Variants in PCDHA7 observed in about 807,000 individuals in gnomAD.
The protein encoded by PCDHA7 is protocadherin alpha 7, also known as protocadherin alpha-7.
PCDHA7 carries 37 observed loss-of-function variants against 57.2 expected under a neutral mutation model. The observed-to-expected ratio is 0.65, with a 90% CI of 0.50 to 0.85. The LOEUF (loss-of-function observed/expected upper bound fraction) is 0.85. Among genes scored for constraint, PCDHA7 ranks in the 40% least tolerant of loss-of-function variants. PCDHA7 has a pLI of 0.00. For synonymous variants in PCDHA7, 553 were observed against 558.8 expected, an observed-to-expected ratio of 0.99 and a Z score of 0.15; for missense variants, 1,188 against 1,241.8, an observed-to-expected ratio of 0.96 and a Z score of 0.65.
Position 140,836,642 on chromosome 5 carries a change from G to T in PCDHA7, c.2259G>T (p.Gln753His). 6.2e-7 allele frequency: 1 copy of T among 1,613,486 alleles called. No homozygotes were observed. The highest frequency in any genetic ancestry group is 8.5e-7 in the Non-Finnish European group (1 of 1,179,658). Reference protein sequence around the residue: ...SAVGSWSFSQQRRQRVCSGEG... With the variant: ...SAVGSWSFSQHRRQRVCSGEG... The stretch of plus-strand genomic sequence containing the variant: ...TGGGGAGCTGGTCATTCTCCCAGCA[G>T]AGGCGGCAGAGGGTGTGCTCTGGGG... The change falls in exon 1 of 4, where the codon CAG becomes CAT. Residue 753 changes from glutamine to histidine, a missense_variant. Physicochemically the swap from Gln to His is conservative, Grantham distance 24. Coordinates refer to ENST00000525929, the MANE Select transcript of PCDHA7 (RefSeq NM_018910.3).
chr5:140,835,876 G>T lies in PCDHA7; in HGVS notation c.1493G>T (p.Arg498Leu). 1.9e-6 allele frequency: 3 copies of T among 1,611,976 alleles called. No homozygotes were observed. The highest frequency in any genetic ancestry group is 2.5e-6 in the Non-Finnish European group (3 of 1,179,624). Residue 498 changes from arginine (R) to leucine (L), a missense_variant, in exon 1 of 4, where the codon CGG (arginine) becomes CTG (leucine). Coordinates refer to ENST00000525929, the MANE Select transcript of PCDHA7 (RefSeq NM_018910.3). ...ALVSYSLVELRVGERALSSYV... is the reference protein window; with the variant it reads ...ALVSYSLVELLVGERALSSYV... ...GTGTCCTACTCGCTGGTGGAGCTGC[G>T]GGTGGGCGAGCGCGCGCTGTCGAGC...
At chr5:140,842,662 C>A in intron 1 of PCDHA7, 1 of 1,595,426 alleles carries the variant, frequency 6.3e-7, no homozygotes, top group East Asian at 2.2e-5. Context: ...AGGTGGCCGA[C>A]GTGAACGACA....
chr5:140,870,302 T>A (rs782099481), intron 1 of PCDHA7: 9 of 1,614,020 alleles, frequency 5.6e-6, no homozygotes, highest in South Asian at 4.4e-5. Flanking sequence ...GTGTCCACCT[T>A]CAAGAATTAC....
chr5:140,862,857 T>C (rs782223560), intron 1 of PCDHA7: 7 of 517,122 alleles, frequency 1.4e-5, no homozygotes, highest in African/African-American at 1.1e-4. Context: ...TGAGCAGCAA[T>C]GTGACGCTGC....
chr5:140,882,189 T>A, intron 1 of PCDHA7: 6 of 1,519,304 alleles, frequency 3.9e-6, no homozygotes, highest in Non-Finnish European at 5.3e-6. Context: ...TAGGAAGCCA[T>A]AAAAATTGGG....
chr5:140,871,525 A>T, intron 1 of PCDHA7: 1 of 1,546,090 alleles, frequency 6.5e-7, no homozygotes, highest in Non-Finnish European at 8.7e-7. Flanking sequence ...ACCTATCAGG[A>T]AGTGTATGTG....
rs1188351170 is a variant in PCDHA7, at chr5:140,929,610, T to C, written c.2356-49339T>C. 7.3e-6 allele frequency: 3 copies of C among 408,442 alleles called. No individual in the cohort carries two copies. The South Asian group carries it at 4.1e-4, about 55-fold the overall frequency. 25.3% of individuals were successfully genotyped at this position (408,442 alleles called of 1,614,324 possible). On this transcript the variant is annotated intron_variant, in intron 1 of 3. Transcript: ENST00000525929. ...TAAAGGTCTAAAATTAAAAATAAAA[T>C]ACCAAAATATTTTATAAGCAACAGA...
At position 140,857,142 on chromosome 5, in the gene PCDHA7, G is replaced by A. The variant is rs782455438; in HGVS notation, c.2355+20404G>A. On this transcript the variant is annotated intron_variant, in intron 1 of 3. Transcript: ENST00000525929. ...CCAGTGAAAGAAGATGCTCAAGTGGGCACCGTCATTGCCCTAATCAGCGTT... is the reference window on the plus strand; with the variant it reads ...CCAGTGAAAGAAGATGCTCAAGTGGACACCGTCATTGCCCTAATCAGCGTT... 4 of 1,598,268 alleles carry A rather than the reference G, an allele frequency of 2.5e-6. No homozygotes were observed. The highest frequency in any genetic ancestry group is 3.4e-5 in the Admixed American group (2 of 59,268).
rs2150413547 is a variant in PCDHA7, at chr5:140,848,594, C to T, written c.2355+11856C>T. On this transcript the variant is annotated intron_variant, in intron 1 of 3. Coordinates refer to ENST00000525929, the MANE Select transcript of PCDHA7 (RefSeq NM_018910.3). The stretch of plus-strand genomic sequence containing the variant: ...TGGTGGGGAGCGGCCAGCTCCACTA[C>T]TCCGTCCCGGAGGAAGCCGAACACG... 3.8e-6 allele frequency: 6 copies of T among 1,594,526 alleles called. 1 individual carries two copies. In the African/African-American group the frequency reaches 4.0e-5, roughly 11 times the overall value.
At chr5:140,882,374 C>A in intron 1 of PCDHA7, 1 of 1,614,186 alleles carries the variant, frequency 6.2e-7, no homozygotes, top group East Asian at 2.2e-5. Flanking sequence ...CTACTCCGTC[C>A]CCGAGGAAGC....
intron 1 of PCDHA7, chr5:140,969,244 G>C: frequency 6.2e-7 from 1 of 1,614,206 alleles, no homozygotes; most frequent in Non-Finnish European, 8.5e-7. Flanking sequence ...AAGCAGCAGT[G>C]ACTGACAGCA....
intron 3 of PCDHA7, among the ~76,000 whole-genome samples, chr5:141,006,067 A>T (rs1202024176): frequency 3.3e-5 from 5 of 151,950 alleles, no homozygotes; most frequent in African/African-American, 1.2e-4. Context: ...AGAAATAAAA[A>T]TCAGATTATT....
At chr5:140,930,168 C>T (rs2086634095) in intron 1 of PCDHA7, 1 of 152,048 alleles carries the variant, frequency 6.6e-6, no homozygotes, top group Non-Finnish European at 1.5e-5. Context: ...TAATATTTTA[C>T]AAAGAGGAAA....
chr5:141,002,246 C>G (rs1217451636), intron 3 of PCDHA7, among the ~76,000 whole-genome samples: 1 of 152,190 alleles, frequency 6.6e-6, no homozygotes, highest in Non-Finnish European at 1.5e-5. Flanking sequence ...CTTTATTAAC[C>G]TCAGCACTGA....
intron 1 of PCDHA7, among the ~76,000 whole-genome samples, chr5:140,906,668 C>G (rs1554192641): frequency 1.3e-5 from 2 of 152,152 alleles, no homozygotes; most frequent in African/African-American, 4.8e-5. Flanking sequence ...TGTAGTGACC[C>G]AAACCTTCAT....
intron 1 of PCDHA7, chr5:140,863,982 CAG>C (rs1167037323): frequency 6.5e-6 from 1 of 152,978 alleles, no homozygotes; most frequent in Non-Finnish European, 1.5e-5. Context: ...GCCTGGGAGA[CAG>C]GGTGAAACTC....
rs557916636 is a variant in PCDHA7, at chr5:141,000,518, C to G, written c.2504-9109C>G. The stretch of plus-strand genomic sequence containing the variant: ...TCTCGGCTCACTGCAACCTCCTTCT[C>G]CAGGGTTCAAGTGATTCTCATGCCT... On this transcript the variant is annotated intron_variant, in intron 3 of 3. Transcript: ENST00000525929. Among the ~76,000 whole-genome samples the G allele has an allele frequency of 6.9e-4, 100 of 144,062 alleles. 3 individuals are homozygous for G. In the South Asian group the frequency reaches 0.021, roughly 31 times the overall value. 94.5% of individuals were successfully genotyped at this position (144,062 alleles called of 152,430 possible). A position where few individuals can be genotyped will look rare whatever the true frequency, so the allele number is the denominator to read the frequency against.
intron 1 of PCDHA7, chr5:140,876,117 C>G: frequency 6.2e-7 from 1 of 1,613,922 alleles, no homozygotes; most frequent in East Asian, 2.2e-5. Context: ...TGATGGTAAT[C>G]GATGGCGGTA....
chr5:141,009,720 C>G lies in PCDHA7; in HGVS notation c.2597C>G (p.Ser866Cys), dbSNP rs782119637. ...FKYGPGNPKQ[S>C]GPGELPDKFI... ...TACGGACCAGGCAACCCCAAACAAT[C>G]CGGTCCCGGTGAGTTGCCCGACAAA... The change falls in exon 4 of 4, where the codon TCC (serine) becomes TGC (cysteine). Residue 866 changes from serine to cysteine, a missense_variant. Around this residue, in one of 3 missense-constraint regions of PCDHA7, gnomAD observed 892 missense variants for 788.5 expected, o/e 1.13. Transcript: ENST00000525929. 1 of 1,614,180 alleles carries G rather than the reference C, an allele frequency of 6.2e-7. No individual in the cohort carries two copies. The highest frequency in any genetic ancestry group is 2.2e-5 in the East Asian group (1 of 44,872).
Sources: allele counts gnomAD v4.1 joint callset (sites outside exome capture counted in the v4.1 genomes callset), GRCh38; gene constraint gnomAD v4.1.1; regional missense constraint gnomAD v4.1.1; transcripts MANE v1.5; gene names NCBI Gene and HGNC (gene_info 2026-07-23, HGNC 2026-07-21).